The following PWWP2B variants were observed in gnomAD, a reference collection of about 807,000 sequenced individuals.
PWWP2B encodes PWWP domain containing 2B.
Under a neutral mutation model 15.5 loss-of-function variants are expected in PWWP2B, and 9 were observed. That is an observed-to-expected ratio of 0.58 (90% CI 0.35 to 1.02). The LOEUF (loss-of-function observed/expected upper bound fraction) is 1.02. Ranked by LOEUF, PWWP2B falls within the 50% of genes least tolerant of loss-of-function variation. The pLI, the probability that PWWP2B is intolerant of heterozygous loss-of-function variation, is 0.02. For missense variants in PWWP2B, 864 were observed against 865.3 expected, an observed-to-expected ratio of 1.00 and a Z score of 0.02; for synonymous variants, 474 against 403.6, an observed-to-expected ratio of 1.17 and a Z score of -2.09.
chr10:132,411,606 C>G (rs1465763553), intron 2 of PWWP2B, among the ~76,000 whole-genome samples: 2 of 152,244 alleles, frequency 1.3e-5, no homozygotes, highest in African/African-American at 4.8e-5. Context: ...GCCATGGGGG[C>G]AGCATGGGCC....
rs1327121701 is a variant in PWWP2B, at chr10:132,405,454, G to A, written c.954G>A (p.Leu318=). 6.2e-7 allele frequency: 1 copy of A among 1,608,462 alleles called. No individual in the cohort carries two copies. The highest frequency in any genetic ancestry group is 8.5e-7 in the Non-Finnish European group (1 of 1,179,476). The change falls in exon 2 of 3, where the codon CTG becomes CTA. Residue 318 remains leucine, a synonymous_variant. Coordinates refer to ENST00000305233, the MANE Select transcript of PWWP2B (RefSeq NM_138499.4). The part of the protein sequence containing the change: ...APSASIPKLK[L]TRPVPAGADL... Reference sequence around the variant, plus strand: ...CGGCCTCCATCCCCAAGTTGAAACTGACACGGCCTGTGCCGGCCGGCGCGG... The same window carrying A: ...CGGCCTCCATCCCCAAGTTGAAACTAACACGGCCTGTGCCGGCCGGCGCGG...
At chr10:132,406,720 C>T (rs1352037008) in intron 2 of PWWP2B, among the ~76,000 whole-genome samples, 6 of 152,162 alleles carry the variant, frequency 3.9e-5, no homozygotes, top group Middle Eastern at 3.2e-3. Context: ...AAGATCAGAG[C>T]GGGCATCTCC....
chr10:132,413,223 G>A (rs554265465), intron 2 of PWWP2B, among the ~76,000 whole-genome samples: 1 of 152,282 alleles, frequency 6.6e-6, no homozygotes, highest in East Asian at 1.9e-4. Flanking sequence ...AGATGTAAAG[G>A]TTAATATATC....
Position 132,417,183 on chromosome 10 carries a change from G to GCC in PWWP2B, c.*144_*145dup. The GCC allele has an allele frequency of 7.7e-7, 1 of 1,292,122 alleles. No homozygotes were observed. 80.0% of individuals were successfully genotyped at this position (1,292,122 alleles called of 1,614,324 possible). On this transcript the variant is annotated 3_prime_UTR_variant, in exon 3 of 3. Transcript: ENST00000305233. ...GGCACGGTGGTCGGCCTGGTGTGAG[G>GCC]CCCCCCGGGGACCGGCAGTGTGTCC...
intron 2 of PWWP2B, among the ~76,000 whole-genome samples, chr10:132,406,571 C>T (rs990906142): frequency 1.3e-5 from 2 of 152,222 alleles, no homozygotes; most frequent in African/African-American, 4.8e-5. Flanking sequence ...TTTCAAAGGC[C>T]GGAAGGGAGC....
At position 132,397,256 on chromosome 10, in the gene PWWP2B, G is replaced by A. The variant is rs1318746362; in HGVS notation, c.30G>A (p.Pro10=). The A allele has an allele frequency of 9.9e-6, 13 of 1,309,886 alleles. No individual in the cohort carries two copies. Among genetic ancestry groups the A allele is most frequent in the Non-Finnish European group, 1.3e-5 (13 of 1,021,092 alleles). The allele number at this position is 1,309,886 out of a possible 1,614,324, so 81.1% of individuals were successfully genotyped here. A position where few individuals can be genotyped will look rare whatever the true frequency, so the allele number is the denominator to read the frequency against. The part of the protein sequence containing the change: MEPRAGCRL[P]VRVEQVVNGA... ...AGCCGCGCGCCGGCTGCCGGCTGCC[G>A]GTGCGGGTGGAGCAGGTCGTCAACG... is the stretch of plus-strand genomic sequence containing the variant. Residue 10 remains proline, a synonymous_variant, in exon 1 of 3, where the codon CCG becomes CCA. Transcript: ENST00000305233.
chr10:132,411,480 C>T (rs1455806173), intron 2 of PWWP2B, among the ~76,000 whole-genome samples: 1 of 152,250 alleles, frequency 6.6e-6, no homozygotes, highest in Non-Finnish European at 1.5e-5. Context: ...TCCACCCGAG[C>T]CTCATGTCCG....
At chr10:132,411,302 G>A (rs768283278) in intron 2 of PWWP2B, among the ~76,000 whole-genome samples, 1 of 152,242 alleles carries the variant, frequency 6.6e-6, no homozygotes, top group Non-Finnish European at 1.5e-5. Flanking sequence ...GGCATCTGGG[G>A]ACCCGTAGAT....
chr10:132,400,829 T>C (rs2069606106), intron 1 of PWWP2B, among the ~76,000 whole-genome samples: 1 of 152,210 alleles, frequency 6.6e-6, no homozygotes, highest in African/African-American at 2.4e-5. Context: ...CACAACAGGG[T>C]GTCCTTTCCT....
At chr10:132,402,933 G>A (rs1178986547) in intron 1 of PWWP2B, among the ~76,000 whole-genome samples, 1 of 152,236 alleles carries the variant, frequency 6.6e-6, no homozygotes, top group Non-Finnish European at 1.5e-5. Context: ...CGGGGTGCAT[G>A]GGGTCTGTGC....
intron 1 of PWWP2B, among the ~76,000 whole-genome samples, chr10:132,403,606 T>A (rs375602925): frequency 1.3e-5 from 2 of 152,224 alleles, no homozygotes; most frequent in African/African-American, 4.8e-5. Flanking sequence ...CGAGGTGGCC[T>A]GCACTCTAGG....
chr10:132,400,012 C>A (rs974294568), intron 1 of PWWP2B, among the ~76,000 whole-genome samples: 2 of 152,326 alleles, frequency 1.3e-5, no homozygotes, highest in East Asian at 3.9e-4. Flanking sequence ...AGGCCAGACA[C>A]CCTGGCCCAC....
rs540555954 is a variant in PWWP2B at position 132,417,274 on chromosome 10, G to A, written c.*230G>A. 1.7e-4 allele frequency: 109 copies of A among 623,480 alleles called. No individual in the cohort carries two copies. In the South Asian group the frequency reaches 2.0e-3, roughly 11 times the overall value. The allele number at this position is 623,480 out of a possible 1,614,324, so 38.6% of individuals were successfully genotyped here. ...AGTGTATTTCTTCCCACCACTCAGC[G>A]CATGGCTGCCCTGGCTCACGAGGCA... On this transcript the variant is annotated 3_prime_UTR_variant, in exon 3 of 3. Transcript: ENST00000305233.
chr10:132,397,306 G>T lies in PWWP2B; in HGVS notation c.80G>T (p.Cys27Phe). The change falls in exon 1 of 3, where the codon TGC becomes TTC. Residue 27 changes from cysteine (C) to phenylalanine (F), a missense_variant. By Grantham distance (205) the Cys-to-Phe change is radical. Coordinates refer to ENST00000305233, the MANE Select transcript of PWWP2B (RefSeq NM_138499.4). ...GGCGCGCTGGTGGTCACGGTGAGCT[G>T]CGGCGAGCGGAGCTTCGCGGGGATC... ...VNGALVVTVS[C>F]GERSFAGILL... 2 of 1,431,700 alleles carry T rather than the reference G, an allele frequency of 1.4e-6. No individual in the cohort carries two copies. The allele number at this position is 1,431,700 out of a possible 1,614,324, so 88.7% of individuals were successfully genotyped here.
intron 2 of PWWP2B, among the ~76,000 whole-genome samples, chr10:132,415,323 C>T (rs1363684540): frequency 2.7e-5 from 4 of 148,618 alleles, no homozygotes; most frequent in Non-Finnish European, 4.5e-5. Context: ...CATCCACACA[C>T]ACCCCCCCAC....
intron 2 of PWWP2B, among the ~76,000 whole-genome samples, chr10:132,415,175 A>C (rs912907877): frequency 6.6e-6 from 1 of 151,936 alleles, no homozygotes. Context: ...AGAGGCTGAG[A>C]TCTCTCCTGT....
At chr10:132,415,330 C>CA (rs1268748761) in intron 2 of PWWP2B, among the ~76,000 whole-genome samples, 1 of 137,218 alleles carries the variant, frequency 7.3e-6, no homozygotes, top group African/African-American at 2.6e-5. Context: ...ACACACCCCC[C>CA]CACACACATA....
At chr10:132,413,043 C>T (rs530947313) in intron 2 of PWWP2B, among the ~76,000 whole-genome samples, 2 of 152,352 alleles carry the variant, frequency 1.3e-5, no homozygotes, top group South Asian at 2.1e-4. Flanking sequence ...GCTCACTGTG[C>T]GTTTTCTGGC....
Position 132,404,678 on chromosome 10 carries a change from T to C in PWWP2B, c.178T>C (p.Ser60Pro). 1 of 1,612,466 alleles carries C rather than the reference T, an allele frequency of 6.2e-7. No individual in the cohort carries two copies. The highest frequency in any genetic ancestry group is 8.5e-7 in the Non-Finnish European group (1 of 1,179,770). Residue 60 changes from serine (S) to proline (P), a missense_variant, in exon 2 of 3, where the codon TCC (serine) becomes CCC (proline). Physicochemically the swap from Ser to Pro is moderately conservative, Grantham distance 74. This residue lies in a region of PWWP2B where 736 missense variants were observed against 687.7 expected (regional missense o/e 1.07). Transcript: ENST00000305233. ...PLAPLPQVDE[S>P]PVNDSHGRAP... is the part of the protein sequence containing the mutation. ...GGCTCCGCTGCCCCAGGTCGATGAGTCCCCTGTCAACGACAGCCATGGCCG... is the reference window on the plus strand; with the variant it reads ...GGCTCCGCTGCCCCAGGTCGATGAGCCCCCTGTCAACGACAGCCATGGCCG...
Sources: allele counts gnomAD v4.1 joint callset (sites outside exome capture counted in the v4.1 genomes callset), GRCh38; gene constraint gnomAD v4.1.1; regional missense constraint gnomAD v4.1.1; transcripts MANE v1.5; gene names NCBI Gene and HGNC (gene_info 2026-07-23, HGNC 2026-07-21).